ESRRG: variants seen among roughly 807,000 people sequenced by gnomAD.
ESRRG encodes estrogen related receptor gamma.
Under a neutral mutation model 44.0 loss-of-function variants are expected in ESRRG, and 13 were observed. That is an observed-to-expected ratio of 0.30 (90% CI 0.19 to 0.47). The LOEUF (loss-of-function observed/expected upper bound fraction) is 0.47. ESRRG is among the 20% of genes least tolerant of loss of function. The pLI is 1.00. For synonymous variants in ESRRG, 215 were observed against 214.6 expected (o/e 1.00, Z -0.02); for missense variants, 395 against 580.6 (o/e 0.68, Z 3.29).
At chr1:216,841,338 AAGCAGACC>A (rs1385360745) in intron 2 of ESRRG, among the ~76,000 whole-genome samples, 2 of 152,096 alleles carry the variant, frequency 1.3e-5, no homozygotes, top group Non-Finnish European at 2.9e-5. Context: ...TAGAGCACAG[AAGCAGACC>A]TGTTTTCAGG....
intron 2 of ESRRG, among the ~76,000 whole-genome samples, chr1:216,772,512 C>T (rs1482494762): frequency 6.6e-6 from 1 of 152,118 alleles, no homozygotes; most frequent in African/African-American, 2.4e-5. Flanking sequence ...GTGACACTAA[C>T]ATATGAACAC....
chr1:216,842,745 T>C (rs949707387), intron 2 of ESRRG, among the ~76,000 whole-genome samples: 54 of 152,194 alleles, frequency 3.5e-4, no homozygotes, highest in African/African-American at 1.2e-3. Flanking sequence ...AAAGCAATAC[T>C]ACTAATCCAA....
intron 1 of ESRRG, among the ~76,000 whole-genome samples, chr1:217,113,165 TCAGTTGCAGA>T (rs1328734139): frequency 1.6e-4 from 25 of 152,270 alleles, no homozygotes; most frequent in Admixed American, 4.6e-4. Flanking sequence ...AGAAAGTAGC[TCAGTTGCAGA>T]CATGGGCTTT....
chr1:216,826,057 G>A lies in ESRRG; in HGVS notation c.-14+113525C>T, dbSNP rs1430089409. Among the ~76,000 whole-genome samples the A allele has an allele frequency of 3.9e-5, 6 of 152,044 alleles. No homozygotes were observed. In the East Asian group the frequency reaches 1.2e-3, roughly 29 times the overall value. On this transcript the variant is annotated intron_variant, in intron 2 of 7. Transcript: ENST00000359162. The stretch of plus-strand genomic sequence containing the variant: ...TTTCTTTGCTAACAAAACTAGAGGA[G>A]CAGCAAAGTTTATCTAAAATTCTCA...
intron 6 of ESRRG, among the ~76,000 whole-genome samples, chr1:216,512,153 A>G (rs2042903730): frequency 6.6e-6 from 1 of 152,230 alleles, no homozygotes; most frequent in African/African-American, 2.4e-5. Context: ...ATGAACGTCA[A>G]CAGTTGCTAA....
intron 1 of ESRRG, among the ~76,000 whole-genome samples, chr1:216,957,163 A>G (rs1275117062): frequency 6.6e-6 from 1 of 151,776 alleles, no homozygotes; most frequent in African/African-American, 2.4e-5. Context: ...TCTTTTATCT[A>G]CTCTCTGTTG....
intron 1 of ESRRG, among the ~76,000 whole-genome samples, chr1:216,709,415 G>T (rs141142402): frequency 4.0e-5 from 6 of 149,882 alleles, no homozygotes; most frequent in African/African-American, 1.5e-4. Context: ...ACCTTTTCCT[G>T]GATATGGCCA....
intron 2 of ESRRG, among the ~76,000 whole-genome samples, chr1:216,776,802 G>A (rs11572628): frequency 0.018 from 2,773 of 152,190 alleles, 92 homozygotes; most frequent in African/African-American, 0.061. Flanking sequence ...GAAGAAAGTA[G>A]TGATGGTCAT....
In ESRRG at chr1:216,638,285, A is replaced by T. The variant is rs138319597; in HGVS notation, c.589+12688T>A. ...TGATGTATGTATAATTACAATCTCC[A>T]TTTCATAGGTAAGGCTTAAAAAGGT... On this transcript the variant is annotated intron_variant, in intron 3 of 6. Transcript: ENST00000408911. Among the ~76,000 whole-genome samples, 1,086 of 152,302 alleles carry T rather than the reference A, an allele frequency of 7.1e-3. 15 individuals are homozygous for T. Among genetic ancestry groups the T allele is most frequent in the African/African-American group, 0.025 (1,036 of 41,566 alleles).
At chr1:216,711,860 G>A (rs1463595254) in intron 1 of ESRRG, among the ~76,000 whole-genome samples, 5 of 152,104 alleles carry the variant, frequency 3.3e-5, no homozygotes, top group Admixed American at 2.0e-4. Context: ...GAATATGAAT[G>A]GTAGAGAAAT....
At chr1:217,009,215 G>A (rs2078188479) in intron 1 of ESRRG, among the ~76,000 whole-genome samples, 1 of 152,058 alleles carries the variant, frequency 6.6e-6, no homozygotes, top group African/African-American at 2.4e-5. Flanking sequence ...ACAGCACCCA[G>A]CACAATGCAG....
intron 1 of ESRRG, among the ~76,000 whole-genome samples, chr1:217,019,305 A>C (rs1465029748): frequency 6.6e-6 from 1 of 152,210 alleles, no homozygotes; most frequent in Admixed American, 6.5e-5. Context: ...CAAGTTGCAA[A>C]GCTTTCAGAG....
intron 2 of ESRRG, among the ~76,000 whole-genome samples, chr1:216,667,303 T>A (rs1254027068): frequency 6.6e-6 from 1 of 152,220 alleles, no homozygotes; most frequent in African/African-American, 2.4e-5. Context: ...TTTTTTGGAT[T>A]CTAACATAGG....
At chr1:217,106,439 T>A (rs1042217089) in intron 1 of ESRRG, among the ~76,000 whole-genome samples, 1 of 151,948 alleles carries the variant, frequency 6.6e-6, no homozygotes, top group African/African-American at 2.4e-5. Flanking sequence ...TCAGCCTTTT[T>A]ATTTTTTAAG....
chr1:216,771,810 T>C (rs1256328905), intron 2 of ESRRG, among the ~76,000 whole-genome samples: 1 of 131,198 alleles, frequency 7.6e-6, no homozygotes, highest in African/African-American at 3.0e-5. Context: ...TTTTTAAGTT[T>C]GTGGTGTTTT....
chr1:216,577,137 G>A (rs1186042610), intron 3 of ESRRG, among the ~76,000 whole-genome samples: 1 of 151,556 alleles, frequency 6.6e-6, no homozygotes, highest in Non-Finnish European at 1.5e-5. Flanking sequence ...TATTCAAAAG[G>A]CACTATTTCT....
intron 3 of ESRRG, among the ~76,000 whole-genome samples, chr1:216,625,186 G>T (rs1299703695): frequency 6.6e-6 from 1 of 151,984 alleles, no homozygotes; most frequent in Admixed American, 6.6e-5. Flanking sequence ...ATTTCTACAG[G>T]ATTAGTATTC....
chr1:217,042,199 G>T (rs1318214349), intron 1 of ESRRG, among the ~76,000 whole-genome samples: 1 of 152,124 alleles, frequency 6.6e-6, no homozygotes, highest in Non-Finnish European at 1.5e-5. Context: ...ACAGTATGCT[G>T]AATGACATAT....
At chr1:216,637,056 C>G (rs1305359378) in intron 3 of ESRRG, among the ~76,000 whole-genome samples, 1 of 152,074 alleles carries the variant, frequency 6.6e-6, no homozygotes, top group East Asian at 1.9e-4. Context: ...TGTTCATGGA[C>G]CACAAATTTG....
Sources: allele counts gnomAD v4.1 joint callset (sites outside exome capture counted in the v4.1 genomes callset), GRCh38; gene constraint gnomAD v4.1.1; transcripts MANE v1.5; gene names NCBI Gene and HGNC (gene_info 2026-07-23, HGNC 2026-07-21).